TTLL11: variants seen among roughly 807,000 people sequenced by gnomAD.
TTLL11 encodes tubulin tyrosine ligase like 11, also known as tubulin polyglutamylase TTLL11.
Under a neutral mutation model 51.7 loss-of-function variants are expected in TTLL11, and 42 were observed. The observed-to-expected ratio is 0.81, with a 90% CI of 0.64 to 1.05. The LOEUF is 1.05. Among genes scored for constraint, TTLL11 ranks in the 50% least tolerant of loss-of-function variants. The probability of loss-of-function intolerance (pLI) is 0.00; values close to 1 mark genes in which losing one functional copy is unlikely to be tolerated. For missense variants in TTLL11, 799 were observed against 940.4 expected (o/e 0.85, Z 1.97); for synonymous variants, 381 against 383.5 (o/e 0.99, Z 0.08).
intron 6 of TTLL11, among the ~76,000 whole-genome samples, chr9:121,924,393 C>G (rs1443831180): frequency 6.6e-6 from 1 of 152,244 alleles, no homozygotes; most frequent in Admixed American, 6.5e-5. Context: ...AGAAAAGAGG[C>G]AAGGGCCACA....
chr9:122,069,261 G>A (rs770812545), intron 1 of TTLL11, among the ~76,000 whole-genome samples: 2 of 152,128 alleles, frequency 1.3e-5, no homozygotes, highest in African/African-American at 2.4e-5. Context: ...CTGTGCAGTG[G>A]GAGACTCCCC....
At chr9:121,875,683 C>T (rs1207494498) in intron 6 of TTLL11, among the ~76,000 whole-genome samples, 1 of 152,160 alleles carries the variant, frequency 6.6e-6, no homozygotes, top group East Asian at 1.9e-4. Flanking sequence ...TCCAAGCCAT[C>T]ACAAATATGT....
chr9:121,892,440 C>G (rs1458984941), intron 6 of TTLL11, among the ~76,000 whole-genome samples: 2 of 152,022 alleles, frequency 1.3e-5, no homozygotes, highest in Admixed American at 1.3e-4. Flanking sequence ...GAATGAGAGT[C>G]AAATGAAAGG....
At chr9:121,907,751 T>A (rs1236304340) in intron 6 of TTLL11, among the ~76,000 whole-genome samples, 1 of 152,172 alleles carries the variant, frequency 6.6e-6, no homozygotes. Context: ...ACAAATTTCT[T>A]GGGGGACTGT....
At chr9:121,938,709 C>T (rs1841329432) in intron 6 of TTLL11, among the ~76,000 whole-genome samples, 1 of 152,112 alleles carries the variant, frequency 6.6e-6, no homozygotes, top group Non-Finnish European at 1.5e-5. Context: ...AGGCCATAAA[C>T]CTCATTAATG....
chr9:122,052,484 G>A (rs1012909696), intron 1 of TTLL11, among the ~76,000 whole-genome samples: 19 of 152,220 alleles, frequency 1.2e-4, no homozygotes, highest in African/African-American at 4.6e-4. Flanking sequence ...AGGATTAATA[G>A]TATGTTTGGA....
chr9:121,891,663 G>A (rs1272867073), intron 6 of TTLL11, among the ~76,000 whole-genome samples: 1 of 152,092 alleles, frequency 6.6e-6, no homozygotes, highest in Non-Finnish European at 1.5e-5. Flanking sequence ...ATCGTGTCAC[G>A]GAACTGAGAA....
intron 3 of TTLL11, among the ~76,000 whole-genome samples, chr9:122,007,475 C>CAA (rs59238464): frequency 3.2e-5 from 3 of 94,714 alleles, no homozygotes; most frequent in African/African-American, 8.1e-5. Context: ...AATTCCATCT[C>CAA]AAAAAAAAAA....
rs1554785376 is a variant in TTLL11, at chr9:122,030,202, T to TGCG, written c.693+1520_693+1521insCGC. On this transcript the variant is annotated intron_variant, in intron 3 of 8. Transcript: ENST00000321582. Reference sequence around the variant, plus strand: ...GAGCAGAGCCACAGAAGAGAGACATTGGGGGGGGGGGGGTAATTATGAGGA... The same window carrying TGCG: ...GAGCAGAGCCACAGAAGAGAGACATTGCGGGGGGGGGGGGGGTAATTATGAGGA... 5.7e-4 allele frequency among the ~76,000 whole-genome samples: 45 copies of TGCG among 78,534 alleles called. 1 individual carries two copies. The Admixed American group carries it at 6.8e-3, about 12-fold the overall frequency. 51.5% of individuals were successfully genotyped at this position (78,534 alleles called of 152,430 possible).
At chr9:122,089,830 C>T (rs1229739083) in intron 1 of TTLL11, among the ~76,000 whole-genome samples, 1 of 151,902 alleles carries the variant, frequency 6.6e-6, no homozygotes, top group Non-Finnish European at 1.5e-5. Flanking sequence ...GCTCTGTCAC[C>T]CAGGCTGGTG....
chr9:122,049,136 A>C (rs374661226), intron 1 of TTLL11, among the ~76,000 whole-genome samples: 12 of 152,338 alleles, frequency 7.9e-5, no homozygotes, highest in African/African-American at 2.6e-4. Context: ...TGTTTCATGA[A>C]TGAATGAACT....
chr9:121,984,142 G>T (rs934371357), intron 4 of TTLL11, among the ~76,000 whole-genome samples: 2 of 152,114 alleles, frequency 1.3e-5, no homozygotes, highest in African/African-American at 4.8e-5. Flanking sequence ...GCTCAGGGAG[G>T]GTACAGGGAA....
chr9:121,868,335 C>G (rs1423801638), intron 7 of TTLL11, among the ~76,000 whole-genome samples: 1 of 152,184 alleles, frequency 6.6e-6, no homozygotes, highest in Non-Finnish European at 1.5e-5. Context: ...TCTTCCTTCT[C>G]TTTTTCACTA....
intron 8 of TTLL11, among the ~76,000 whole-genome samples, chr9:121,836,550 T>C (rs1413800888): frequency 2.0e-5 from 3 of 152,136 alleles, no homozygotes; most frequent in Admixed American, 2.0e-4. Context: ...ACAGAGTAAA[T>C]CAACCTCTTC....
chr9:121,863,064 C>T (rs1346496258), intron 7 of TTLL11, among the ~76,000 whole-genome samples: 1 of 152,130 alleles, frequency 6.6e-6, no homozygotes, highest in Non-Finnish European at 1.5e-5. Context: ...TTTCTTCCCG[C>T]CTGTATTTCC....
At chr9:122,040,409 G>T in intron 1 of TTLL11, 1 of 984,474 alleles carries the variant, frequency 1.0e-6, no homozygotes, top group Non-Finnish European at 1.2e-6. Context: ...ACTACATCCT[G>T]TTGCTTCTCA....
intron 1 of TTLL11, among the ~76,000 whole-genome samples, chr9:122,066,589 G>C (rs1171265316): frequency 6.6e-6 from 1 of 152,168 alleles, no homozygotes; most frequent in Non-Finnish European, 1.5e-5. Context: ...GGCCATAACA[G>C]ACATGACTCC....
intron 7 of TTLL11, among the ~76,000 whole-genome samples, chr9:121,866,680 A>G (rs1052058254): frequency 6.6e-6 from 1 of 151,534 alleles, no homozygotes; most frequent in Non-Finnish European, 1.5e-5. Flanking sequence ...AAAAGAAAGA[A>G]AAGAAAAGAA....
chr9:121,894,558 T>C (rs2131452453), intron 6 of TTLL11, among the ~76,000 whole-genome samples: 1 of 152,306 alleles, frequency 6.6e-6, no homozygotes, highest in African/African-American at 2.4e-5. Flanking sequence ...CATGGAATAC[T>C]ATGCAGCCAT....
Sources: gnomAD v4.1 joint callset for allele counts (sites outside exome capture counted in the v4.1 genomes callset) on GRCh38, gnomAD v4.1.1 for gene constraint, MANE v1.5 for transcripts, NCBI Gene and HGNC (gene_info 2026-07-23, HGNC 2026-07-21) for gene names.